Variants in AFDN observed in about 807,000 individuals in gnomAD.
AFDN encodes afadin.
A neutral mutation model predicts 216.6 loss-of-function variants in AFDN; 68 were observed. That is an observed-to-expected ratio of 0.31 (90% CI 0.26 to 0.38). The LOEUF (loss-of-function observed/expected upper bound fraction) is 0.38, where lower values mean the gene tolerates loss of function less well. Among genes scored for constraint, AFDN ranks in the 10% least tolerant of loss-of-function variants. The pLI is 1.00. For missense variants in AFDN, 2,136 were observed against 2,342.0 expected, an observed-to-expected ratio of 0.91 and a Z score of 1.82; for synonymous variants, 868 against 853.7, an observed-to-expected ratio of 1.02 and a Z score of -0.29.
Position 167,914,680 on chromosome 6 carries a change from T to C in AFDN, c.2241T>C (p.Asn747=). ...ACTGTCTTCAATCAGAACTTAATAA[T>C]TACATGCCAGCCTTTCTAGATGACC... ...LVHCLQSELN[N]YMPAFLDDPE... Residue 747 remains asparagine (N), a synonymous_variant, in exon 18 of 34, where the codon AAT becomes AAC. Transcript: ENST00000683244. 6.2e-7 allele frequency: 1 copy of C among 1,613,572 alleles called. No homozygotes were observed. The highest frequency in any genetic ancestry group is 8.5e-7 in the Non-Finnish European group (1 of 1,179,560).
chr6:167,880,341 T>C lies in AFDN; in HGVS notation c.740-19T>C. 6.2e-7 allele frequency: 1 copy of C among 1,607,936 alleles called. No individual in the cohort carries two copies. Among genetic ancestry groups the C allele is most frequent in the Non-Finnish European group, 8.5e-7 (1 of 1,176,088 alleles). On this transcript the variant is annotated intron_variant, in intron 5 of 33. Transcript: ENST00000683244. ...GCATAAAGTAAGTTGTACTCAAAGA[T>C]GTCAAAATGTTTTTTCAGGTGGAAC... is the stretch of plus-strand genomic sequence containing the variant.
chr6:167,915,123 T>G lies in AFDN; in HGVS notation c.2300-45T>G, dbSNP rs989561453. ...TGCTGCACATTCAAAGGCTTCTTCCTGGATGACATTTTGCTCCTCTTGTCC... is the reference window on the plus strand; with the variant it reads ...TGCTGCACATTCAAAGGCTTCTTCCGGGATGACATTTTGCTCCTCTTGTCC... On this transcript the variant is annotated intron_variant, in intron 18 of 33. Coordinates refer to ENST00000683244, the MANE Select transcript of AFDN (RefSeq NM_001386888.1). 3.7e-6 allele frequency: 6 copies of G among 1,600,276 alleles called. No homozygotes were observed. The Admixed American group carries it at 6.7e-5, about 18-fold the overall frequency.
intron 23 of AFDN, among the ~76,000 whole-genome samples, chr6:167,933,893 C>A (rs1160752227): frequency 6.6e-6 from 1 of 152,042 alleles, no homozygotes; most frequent in Non-Finnish European, 1.5e-5. Context: ...TGGGGTAGCC[C>A]AGAGGTTCAC....
At position 167,890,872 on chromosome 6, in the gene AFDN, C is replaced by CT; in HGVS notation, c.1023dup (p.Gln342SerfsTer30). 1 of 1,612,812 alleles carries CT rather than the reference C, an allele frequency of 6.2e-7. No homozygotes were observed. Among genetic ancestry groups the CT allele is most frequent in the Non-Finnish European group, 8.5e-7 (1 of 1,179,376 alleles). ...ATGCTGCTGTTCTAGGGATTTTAGT[C>CT]TTTCAGTTGAAGAGGAGGCCACCAG... On this transcript the variant is annotated frameshift_variant, in exon 8 of 34. Transcript: ENST00000683244. LOFTEE classifies it high-confidence loss of function.
At chr6:167,956,637 G>A (rs575800151) in intron 30 of AFDN, among the ~76,000 whole-genome samples, 6 of 152,304 alleles carry the variant, frequency 3.9e-5, no homozygotes, top group Middle Eastern at 3.4e-3. Flanking sequence ...TGCTCAAAGT[G>A]AAATCTTTGT....
chr6:167,966,054 A>G lies in AFDN; in HGVS notation c.5257+9A>G. 1 of 1,542,332 alleles carries G rather than the reference A, an allele frequency of 6.5e-7. No homozygotes were observed. The highest frequency in any genetic ancestry group is 1.4e-5 in the African/African-American group (1 of 73,146). ...GGACTGCAGCCTAGCAGGTCAGGAT[A>G]AGTACTCCAGCACAAGAAAGTCTCA... On this transcript the variant is annotated intron_variant, in intron 32 of 33. Coordinates refer to ENST00000683244, the MANE Select transcript of AFDN (RefSeq NM_001386888.1).
At chr6:167,844,872 G>GTTTTTTTTTTTTTTTTTTTTTTTTT in intron 1 of AFDN, among the ~76,000 whole-genome samples, 1 of 137,402 alleles carries the variant, frequency 7.3e-6, no homozygotes, top group Non-Finnish European at 1.6e-5. Context: ...TTTTTTTTTG[G>GTTTTTTTTTTTTTTTTTTTTTTTTT]TTTTTGAGAC....
intron 2 of AFDN, among the ~76,000 whole-genome samples, chr6:167,867,730 T>C (rs1216497874): frequency 6.6e-6 from 1 of 152,120 alleles, no homozygotes; most frequent in African/African-American, 2.4e-5. Flanking sequence ...CGCGCCCGGT[T>C]ACATGATAAT....
In AFDN at chr6:167,962,036, G is replaced by C. The variant is rs2128744883; in HGVS notation, c.4834-397G>C. Among the ~76,000 whole-genome samples, 1 of 152,326 alleles carries C rather than the reference G, an allele frequency of 6.6e-6. No homozygotes were observed. Among genetic ancestry groups the C allele is most frequent in the South Asian group, 2.1e-4 (1 of 4,832 alleles). On this transcript the variant is annotated intron_variant, in intron 30 of 33. Transcript: ENST00000683244. This position sits in a 1 kb window ranked among gnomAD's most constrained non-coding sequence, Gnocchi z 5.2. ...TAGTGGAAATTAAAAAGGGAGAGGA[G>C]AAAGGAGGTGTTTCAGTGTGTTCTG...
Position 167,855,571 on chromosome 6 carries a change from C to G in AFDN, c.106-8980C>G, listed in dbSNP as rs193277199. Among the ~76,000 whole-genome samples the G allele has an allele frequency of 1.8e-3, 271 of 152,132 alleles. 2 individuals carry two copies. The highest frequency in any genetic ancestry group is 6.2e-3 in the African/African-American group (259 of 41,520). ...TTATTTAATTTAAAATGAGGATTCC[C>G]CCCTTAGCTAGCATTCATTGACTTT... On this transcript the variant is annotated intron_variant, in intron 1 of 33. Transcript: ENST00000683244.
At chr6:167,907,682 A>C (rs1789873295) in intron 13 of AFDN, among the ~76,000 whole-genome samples, 1 of 152,250 alleles carries the variant, frequency 6.6e-6, no homozygotes. Context: ...ATGTAAGATC[A>C]AAAATGATTT....
rs1459102460 is a variant in AFDN at position 167,915,304 on chromosome 6, C to T, written c.2436C>T (p.Asp812=). Residue 812 remains aspartate (D), a synonymous_variant, in exon 19 of 34, where the codon GAC becomes GAT. Coordinates refer to ENST00000683244, the MANE Select transcript of AFDN (RefSeq NM_001386888.1). ...GGCTGTTCAATAGATTGGTGACCGA[C>T]CCAGATTCGGGGCTGTGCTCCCATT... is the stretch of plus-strand genomic sequence containing the variant. ...NMWLFNRLVT[D]PDSGLCSHYW... is the part of the protein sequence containing the mutation. The T allele has an allele frequency of 1.2e-6, 2 of 1,614,112 alleles. No homozygotes were observed. Among genetic ancestry groups the T allele is most frequent in the Admixed American group, 3.3e-5 (2 of 60,012 alleles).
intron 23 of AFDN, among the ~76,000 whole-genome samples, chr6:167,939,549 GCTCC>G (rs1465174667): frequency 6.6e-6 from 1 of 152,322 alleles, no homozygotes; most frequent in East Asian, 1.9e-4. Flanking sequence ...AATAGAAGAA[GCTCC>G]CAAACGGCAA....
rs546258199 is a variant in AFDN, at chr6:167,851,856, C to T, written c.106-12695C>T. Among the ~76,000 whole-genome samples, 3 of 152,150 alleles carry T rather than the reference C, an allele frequency of 2.0e-5. No homozygotes were observed. In the South Asian group the frequency reaches 6.2e-4, roughly 32 times the overall value. On this transcript the variant is annotated intron_variant, in intron 1 of 33. Coordinates refer to ENST00000683244, the MANE Select transcript of AFDN (RefSeq NM_001386888.1). ...ATTATCCATTTTCAGAACCAAAGTT[C>T]TTGAGTTTTTGTAGCGCATTTTTAA...
intron 11 of AFDN, 73 bp from the exon 12 acceptor site, chr6:167,902,244 G>T (rs1789070984): frequency 3.8e-6 from 4 of 1,054,746 alleles, no homozygotes; most frequent in Admixed American, 1.9e-5. Flanking sequence ...GTTCTTCCTT[G>T]TGTATTAAGA....
chr6:167,893,833 C>T, intron 8 of AFDN, 29 bp from the exon 9 acceptor site: 1 of 1,561,020 alleles, frequency 6.4e-7, no homozygotes, highest in Non-Finnish European at 8.7e-7. Context: ...CTGCCTTCAC[C>T]TGGGTCCTGG....
At chr6:167,841,305 C>T (rs1781043450) in intron 1 of AFDN, among the ~76,000 whole-genome samples, 1 of 152,038 alleles carries the variant, frequency 6.6e-6, no homozygotes, top group East Asian at 1.9e-4. Context: ...AGGAAGAGAG[C>T]CAGGGGATTC....
chr6:167,841,327 G>A (rs1781047421), intron 1 of AFDN, among the ~76,000 whole-genome samples: 1 of 152,180 alleles, frequency 6.6e-6, no homozygotes, highest in South Asian at 2.1e-4. Context: ...GGGTGATTGT[G>A]TAGGTAGCAG....
At chr6:167,930,080 C>G (rs1001491832) in intron 23 of AFDN, among the ~76,000 whole-genome samples, 3 of 152,044 alleles carry the variant, frequency 2.0e-5, no homozygotes, top group Non-Finnish European at 2.9e-5. Flanking sequence ...TGATGTGCGC[C>G]TGTGGTCCCA....
Sources: allele counts gnomAD v4.1 joint callset (sites outside exome capture counted in the v4.1 genomes callset), GRCh38; gene constraint gnomAD v4.1.1; non-coding constraint Gnocchi (gnomAD v3.1); transcripts MANE v1.5; gene names NCBI Gene and HGNC (gene_info 2026-07-23, HGNC 2026-07-21).